The following ARL6 variants were observed in gnomAD, a reference collection of about 807,000 sequenced individuals.
The protein encoded by ARL6 is ARF like GTPase 6.
Under a neutral mutation model 27.1 loss-of-function variants are expected in ARL6, and 18 were observed. The ratio of observed to expected loss-of-function variants is 0.66; its 90% CI spans 0.46 to 0.98. The LOEUF (loss-of-function observed/expected upper bound fraction) is 0.98. Among genes scored for constraint, ARL6 ranks in the 50% least tolerant of loss-of-function variants. ARL6 has a pLI of 0.00. For missense variants in ARL6, 187 were observed against 214.9 expected, an observed-to-expected ratio of 0.87 and a Z score of 0.81; for synonymous variants, 65 against 72.3, an observed-to-expected ratio of 0.90 and a Z score of 0.51.
chr3:97,795,038 C>G (rs774437638), intron 7 of ARL6, among the ~76,000 whole-genome samples: 3 of 152,164 alleles, frequency 2.0e-5, no homozygotes, highest in African/African-American at 4.8e-5. Flanking sequence ...GATCATGCCA[C>G]TGCACTCCAG....
At chr3:97,767,939 T>A in intron 1 of ARL6, 142 bp from the exon 2 acceptor site, 1 of 727,620 alleles carries the variant, frequency 1.4e-6, no homozygotes, top group Non-Finnish European at 2.2e-6. Context: ...ACACTGTGTT[T>A]ACTAAGTGCA....
At chr3:97,781,387 G>C (rs2037191654) in intron 4 of ARL6, among the ~76,000 whole-genome samples, 1 of 150,732 alleles carries the variant, frequency 6.6e-6, no homozygotes. Context: ...AAAAATATTT[G>C]GGGAGAAAAA....
chr3:97,781,448 G>A (rs780201672), intron 4 of ARL6, among the ~76,000 whole-genome samples: 7 of 152,066 alleles, frequency 4.6e-5, no homozygotes, highest in Non-Finnish European at 8.8e-5. Flanking sequence ...ACAAACTACT[G>A]TATTGAAAGC....
chr3:97,780,745 T>C (rs1397931648), intron 4 of ARL6, 62 bp downstream of exon 4: 34 of 1,312,758 alleles, frequency 2.6e-5, no homozygotes, highest in Non-Finnish European at 3.7e-5. Flanking sequence ...TGATTAGAAA[T>C]CCAAAGAATT....
At position 97,800,693 on chromosome 3, in the gene ARL6, T is replaced by C. The variant is rs964183871; in HGVS notation, c.*2644T>C. 1.3e-5 allele frequency: 2 copies of C among 152,344 alleles called. No homozygotes were observed. The allele number at this position is 152,344 out of a possible 1,614,324, so 9.4% of individuals were successfully genotyped here. ...GTTACTCTTGATAATACTTGTCTTA[T>C]TCATTTCAGGTTGCTATAACAAAGT... On this transcript the variant is annotated 3_prime_UTR_variant, in exon 8 of 8. Transcript: ENST00000463745.
intron 6 of ARL6, among the ~76,000 whole-genome samples, chr3:97,790,095 G>T (rs1165358788): frequency 5.4e-5 from 8 of 149,520 alleles, no homozygotes; most frequent in Admixed American, 4.7e-4. Flanking sequence ...GTGTGTGCAT[G>T]TTGTGTGTAT....
chr3:97,783,113 A>G (rs1249823314), intron 4 of ARL6, among the ~76,000 whole-genome samples: 1 of 151,466 alleles, frequency 6.6e-6, no homozygotes, highest in Non-Finnish European at 1.5e-5. Context: ...AATAGCATGC[A>G]AAAATATAAG....
At chr3:97,773,979 G>A (rs971432880) in intron 2 of ARL6, among the ~76,000 whole-genome samples, 16 of 152,158 alleles carry the variant, frequency 1.1e-4, no homozygotes, top group African/African-American at 3.9e-4. Flanking sequence ...TGCCAGATTG[G>A]GCTGTTGTAG....
chr3:97,798,368 ATATTT>A lies in ARL6; in HGVS notation c.*326_*330del, dbSNP rs1169696227. On this transcript the variant is annotated 3_prime_UTR_variant, in exon 8 of 8. Transcript: ENST00000463745. Reference sequence around the variant, plus strand: ...CATCATAATTTATGATATGTTTAATATATTTTATTTTTTAATTGTCTTTTTAAAAA... The same window carrying A: ...CATCATAATTTATGATATGTTTAATATATTTTTTAATTGTCTTTTTAAAAA... 1 of 193,864 alleles carries A rather than the reference ATATTT, an allele frequency of 5.2e-6. No individual in the cohort carries two copies. Among genetic ancestry groups the A allele is most frequent in the African/African-American group, 2.3e-5 (1 of 43,132 alleles). 12.0% of individuals were successfully genotyped at this position (193,864 alleles called of 1,614,324 possible). A position where few individuals can be genotyped will look rare whatever the true frequency, so the allele number is the denominator to read the frequency against.
intron 7 of ARL6, among the ~76,000 whole-genome samples, chr3:97,793,783 C>G (rs1470081586): frequency 6.6e-6 from 1 of 151,566 alleles, no homozygotes; most frequent in Non-Finnish European, 1.5e-5. Flanking sequence ...TTCCATATTA[C>G]TTTATGTACC....
chr3:97,784,966 C>A lies in ARL6; in HGVS notation c.266C>A (p.Ala89Asp), dbSNP rs587777805. 2 of 1,611,308 alleles carry A rather than the reference C, an allele frequency of 1.2e-6. No individual in the cohort carries two copies. The highest frequency in any genetic ancestry group is 1.7e-6 in the Non-Finnish European group (2 of 1,177,950). Reference sequence around the variant, plus strand: ...TTTACATTACACAGAGAAGGCCAAGCTATTATTTTTGTCATTGATAGTAGT... The same window carrying A: ...TTTACATTACACAGAGAAGGCCAAGATATTATTTTTGTCATTGATAGTAGT... ...LWEHYYKEGQ[A>D]IIFVIDSSDR... The change falls in exon 5 of 8, where the codon GCT (alanine) becomes GAT (aspartate). Residue 89 changes from alanine (A) to aspartate (D), a missense_variant. Ala to Asp is a moderately radical substitution (Grantham distance 126). Transcript: ENST00000463745.
intron 5 of ARL6, 144 bp from the exon 6 acceptor site, chr3:97,787,846 C>A: frequency 3.8e-6 from 3 of 794,092 alleles, no homozygotes; most frequent in Admixed American, 2.3e-5. Flanking sequence ...AACAGTGTGA[C>A]AGTATGTGTC....
At chr3:97,791,878 AT>A in intron 7 of ARL6, 52 bp downstream of exon 7, 1 of 1,492,316 alleles carries the variant, frequency 6.7e-7, no homozygotes, top group South Asian at 1.2e-5. Context: ...TTTTATTCAT[AT>A]TTTTATCTTT....
chr3:97,776,744 T>C (rs1473842289), intron 2 of ARL6, among the ~76,000 whole-genome samples: 2 of 151,984 alleles, frequency 1.3e-5, no homozygotes, highest in African/African-American at 2.4e-5. Context: ...GCAACCTCCA[T>C]TTCCCGGGTT....
chr3:97,792,032 GTGTT>G (rs1393575712), intron 7 of ARL6: 5 of 553,116 alleles, frequency 9.0e-6, no homozygotes, highest in Non-Finnish European at 1.6e-5. Context: ...TTTACATAAA[GTGTT>G]TGAATCTTTA....
At chr3:97,787,348 G>A (rs1403919160) in intron 5 of ARL6, among the ~76,000 whole-genome samples, 1 of 152,058 alleles carries the variant, frequency 6.6e-6, no homozygotes, top group Non-Finnish European at 1.5e-5. Context: ...TAATAATTAT[G>A]TTTGCAAATA....
chr3:97,778,629 AG>A (rs2037026113), intron 2 of ARL6, among the ~76,000 whole-genome samples: 1 of 152,200 alleles, frequency 6.6e-6, no homozygotes, highest in Non-Finnish European at 1.5e-5. Flanking sequence ...GACTGAAATC[AG>A]TGAGCATGTA....
rs534599466 is a variant in ARL6, at chr3:97,800,225, T to A, written c.*2176T>A. ...CTAGTTTTTAGTCTATAAACATCCA[T>A]CCCTACTCCACATTTTCATGTAAAG... On this transcript the variant is annotated 3_prime_UTR_variant, in exon 8 of 8. Coordinates refer to ENST00000463745, the MANE Select transcript of ARL6 (RefSeq NM_001278293.3). 1 of 152,124 alleles carries A rather than the reference T, an allele frequency of 6.6e-6. No individual in the cohort carries two copies. The highest frequency in any genetic ancestry group is 1.5e-5 in the Non-Finnish European group (1 of 68,000). 9.4% of individuals were successfully genotyped at this position (152,124 alleles called of 1,614,324 possible). A position where few individuals can be genotyped will look rare whatever the true frequency, so the allele number is the denominator to read the frequency against.
chr3:97,768,137 G>T lies in ARL6; in HGVS notation c.30G>T (p.Leu10Phe). The T allele has an allele frequency of 6.2e-7, 1 of 1,612,972 alleles. No homozygotes were observed. The highest frequency in any genetic ancestry group is 1.1e-5 in the South Asian group (1 of 91,060). Residue 10 changes from leucine (L) to phenylalanine (F), a missense_variant, in exon 2 of 8, where the codon TTG (leucine) becomes TTT (phenylalanine). By Grantham distance (22) the Leu-to-Phe change is conservative (BLOSUM62 0). Coordinates refer to ENST00000463745, the MANE Select transcript of ARL6 (RefSeq NM_001278293.3). ...GATTGCTAGACAGACTTTCAGTCTT[G>T]CTTGGCCTGAAGAAGAAGGAGGTTC... MGLLDRLSV[L>F]LGLKKKEVHV...
Sources: allele counts gnomAD v4.1 joint callset (sites outside exome capture counted in the v4.1 genomes callset), GRCh38; gene constraint gnomAD v4.1.1; transcripts MANE v1.5; gene names NCBI Gene and HGNC (gene_info 2026-07-23, HGNC 2026-07-21).